The following LINGO2 variants were observed in gnomAD, a reference collection of about 807,000 sequenced individuals.
LINGO2 encodes leucine rich repeat and Ig domain containing 2.
Under a neutral mutation model 30.6 loss-of-function variants are expected in LINGO2, and 14 were observed. The observed-to-expected ratio is 0.46, with a 90% CI of 0.30 to 0.72. The LOEUF (loss-of-function observed/expected upper bound fraction) is 0.72. LINGO2 is among the 30% of genes least tolerant of loss of function. The pLI is 0.07. For missense variants in LINGO2, 729 were observed against 751.7 expected, an observed-to-expected ratio of 0.97 and a Z score of 0.35; for synonymous variants, 317 against 288.5, an observed-to-expected ratio of 1.10 and a Z score of -1.00.
rs141383006 is a variant in LINGO2, at chr9:28,159,718, C to A, written c.-87+135490G>T. Among the ~76,000 whole-genome samples the A allele has an allele frequency of 2.5e-4, 38 of 152,262 alleles. No homozygotes were observed. The East Asian group carries it at 6.9e-3, about 28-fold the overall frequency. ...GTCTTCTGAGATTTCCTGACATTAT[C>A]TGGAACTCTGATAAACAAGAGCCAA... On this transcript the variant is annotated intron_variant, in intron 4 of 5. Coordinates refer to ENST00000379992, the Ensembl canonical transcript of LINGO2.
chr9:28,614,965 C>T (rs899368606), intron 1 of LINGO2, among the ~76,000 whole-genome samples: 3 of 152,084 alleles, frequency 2.0e-5, no homozygotes, highest in African/African-American at 7.2e-5. Context: ...AGGCTTCTCA[C>T]ACAGTTCATT....
At chr9:28,179,469 A>G (rs1298364198) in intron 4 of LINGO2, among the ~76,000 whole-genome samples, 2 of 137,846 alleles carry the variant, frequency 1.5e-5, no homozygotes, top group African/African-American at 5.3e-5. Flanking sequence ...GTGTATATAT[A>G]CTATATATAG....
chr9:28,407,052 C>T (rs932998877), intron 2 of LINGO2, among the ~76,000 whole-genome samples: 1 of 152,022 alleles, frequency 6.6e-6, no homozygotes, highest in African/African-American at 2.4e-5. Flanking sequence ...GATACTACTA[C>T]ATTTTTGTTT....
In LINGO2 at chr9:28,156,208, T is replaced by A. The variant is rs555405191; in HGVS notation, c.-87+139000A>T. ...CTGAATAGTTATATTTTGAGAATAATAATAGCAGACATGCATGATTAGAAG... is the reference window on the plus strand; with the variant it reads ...CTGAATAGTTATATTTTGAGAATAAAAATAGCAGACATGCATGATTAGAAG... On this transcript the variant is annotated intron_variant, in intron 4 of 5. Coordinates refer to ENST00000379992, the Ensembl canonical transcript of LINGO2. Among the ~76,000 whole-genome samples the A allele has an allele frequency of 1.5e-3, 231 of 152,328 alleles. 1 individual carries two copies. Among genetic ancestry groups the A allele is most frequent in the Admixed American group, 2.4e-3 (37 of 15,300 alleles).
chr9:29,212,321 C>T, the LINGO2 span, among the ~76,000 whole-genome samples: 1 of 151,834 alleles, frequency 6.6e-6, no homozygotes, highest in African/African-American at 2.4e-5. Flanking sequence ...TCCTGGCGCC[C>T]CCACACCCAC....
At chr9:28,817,690 G>A in the LINGO2 span, among the ~76,000 whole-genome samples, 1 of 152,170 alleles carries the variant, frequency 6.6e-6, no homozygotes, top group African/African-American at 2.4e-5. Flanking sequence ...CCAAGTAGTT[G>A]GCCCTATGAC....
At chr9:28,973,885 A>T in the LINGO2 span, among the ~76,000 whole-genome samples, 1 of 152,314 alleles carries the variant, frequency 6.6e-6, no homozygotes, top group South Asian at 2.1e-4. Context: ...GTCCTACAAG[A>T]TATGTTAAAG....
chr9:28,932,172 C>A, the LINGO2 span, among the ~76,000 whole-genome samples: 5,680 of 146,572 alleles, frequency 0.039, 166 homozygotes, highest in South Asian at 0.097. Context: ...TGGCGGGGGC[C>A]GGGGGGGATC....
chr9:28,828,786 A>AG, the LINGO2 span, among the ~76,000 whole-genome samples: 1 of 152,178 alleles, frequency 6.6e-6, no homozygotes, highest in Non-Finnish European at 1.5e-5. Context: ...CTTCAGAGGA[A>AG]GGCAATTTGA....
At chr9:28,032,937 T>C (rs1246928147) in intron 4 of LINGO2, among the ~76,000 whole-genome samples, 1 of 152,212 alleles carries the variant, frequency 6.6e-6, no homozygotes, top group African/African-American at 2.4e-5. Flanking sequence ...CTGAAAGTTT[T>C]AGGAGACAGC....
At chr9:28,693,199 A>T in the LINGO2 span, among the ~76,000 whole-genome samples, 1 of 152,060 alleles carries the variant, frequency 6.6e-6, no homozygotes, top group African/African-American at 2.4e-5. Flanking sequence ...TTTACATGTG[A>T]TTTTTGTTGG....
At chr9:27,989,434 G>A (rs1821281121) in intron 5 of LINGO2, among the ~76,000 whole-genome samples, 1 of 146,484 alleles carries the variant, frequency 6.8e-6, no homozygotes, top group African/African-American at 2.6e-5. Flanking sequence ...GAATAACAGA[G>A]TGAATGCTCT....
At chr9:28,988,885 T>G in the LINGO2 span, among the ~76,000 whole-genome samples, 47 of 152,302 alleles carry the variant, frequency 3.1e-4, no homozygotes, top group African/African-American at 1.1e-3. Context: ...GTGTTTCAGG[T>G]TTTTTTCTAA....
chr9:29,101,816 G>A, the LINGO2 span, among the ~76,000 whole-genome samples: 5 of 152,104 alleles, frequency 3.3e-5, no homozygotes, highest in African/African-American at 1.2e-4. Flanking sequence ...TTCTGTTGAT[G>A]GACACCTAGG....
At chr9:29,094,103 T>G in the LINGO2 span, among the ~76,000 whole-genome samples, 1 of 138,824 alleles carries the variant, frequency 7.2e-6, no homozygotes, top group African/African-American at 2.7e-5. Context: ...TAACATCCAG[T>G]TATCTGAGTA....
intron 2 of LINGO2, among the ~76,000 whole-genome samples, chr9:28,378,553 T>A (rs1244535217): frequency 2.0e-5 from 3 of 152,154 alleles, no homozygotes; most frequent in Non-Finnish European, 4.4e-5. Flanking sequence ...AGTCAAAGAT[T>A]CTTCCAGACT....
At chr9:28,044,506 C>CA (rs1216462950) in intron 4 of LINGO2, among the ~76,000 whole-genome samples, 1 of 152,128 alleles carries the variant, frequency 6.6e-6, no homozygotes, top group African/African-American at 2.4e-5. Context: ...TCTGGAGCAA[C>CA]AGCATGGGTT....
chr9:28,184,155 G>A (rs931922590), intron 4 of LINGO2, among the ~76,000 whole-genome samples: 2 of 152,156 alleles, frequency 1.3e-5, no homozygotes, highest in African/African-American at 2.4e-5. Context: ...AGGAACACAG[G>A]AGGGTAAAAT....
chr9:28,846,999 G>A, the LINGO2 span, among the ~76,000 whole-genome samples: 1,125 of 147,382 alleles, frequency 7.6e-3, 154 homozygotes, highest in African/African-American at 0.027. Context: ...ATACCCAGAT[G>A]ATGGCTCTCA....
Sources: allele counts gnomAD v4.1 joint callset (sites outside exome capture counted in the v4.1 genomes callset), GRCh38; gene constraint gnomAD v4.1.1; transcripts MANE v1.5; gene names NCBI Gene and HGNC (gene_info 2026-07-23, HGNC 2026-07-21).